Variants in HMCN2 observed in about 807,000 individuals in gnomAD.
HMCN2 encodes the protein hemicentin-2.
HMCN2 carries 325 observed loss-of-function variants against 377.5 expected under a neutral mutation model. The observed-to-expected ratio is 0.86, with a 90% CI of 0.79 to 0.94. The LOEUF is 0.94. HMCN2 is among the 40% of genes least tolerant of loss of function. The pLI, the probability that HMCN2 is intolerant of heterozygous loss-of-function variation, is 0.00. For missense variants in HMCN2, 4,543 were observed against 4,725.3 expected (o/e 0.96, Z 1.13); for synonymous variants, 2,007 against 2,046.8 (o/e 0.98, Z 0.53).
At position 130,397,508 on chromosome 9, in the gene HMCN2, G is replaced by C. The variant is rs1358006733; in HGVS notation, c.11199-20G>C. The stretch of plus-strand genomic sequence containing the variant: ...CCCCACTGGCTTGCTCATCTCCAGG[G>C]CAACCCCCATCCATTCTAGGTTTGA... On this transcript the variant is annotated intron_variant, in intron 73 of 97. Transcript: ENST00000683500. The C allele has an allele frequency of 7.8e-7, 1 of 1,289,516 alleles. No homozygotes were observed. Among genetic ancestry groups the C allele is most frequent in the Admixed American group, 2.3e-5 (1 of 43,536 alleles). The allele number at this position is 1,289,516 out of a possible 1,614,324, so 79.9% of individuals were successfully genotyped here.
At position 130,347,864 on chromosome 9, in the gene HMCN2, A is replaced by G; in HGVS notation, c.4024+504A>G. 1 of 315,828 alleles carries G rather than the reference A, an allele frequency of 3.2e-6. No homozygotes were observed. The highest frequency in any genetic ancestry group is 4.6e-6 in the Non-Finnish European group (1 of 218,280). The allele number at this position is 315,828 out of a possible 1,614,324, so 19.6% of individuals were successfully genotyped here. A position where few individuals can be genotyped will look rare whatever the true frequency, so the allele number is the denominator to read the frequency against. ...CTGTCTCTACATAAAATAAACTTAAAAAATTATTTTTAAAAATGAGCACGG... is the reference window on the plus strand; with the variant it reads ...CTGTCTCTACATAAAATAAACTTAAGAAATTATTTTTAAAAATGAGCACGG... On this transcript the variant is annotated intron_variant, in intron 26 of 97. Coordinates refer to ENST00000683500, the MANE Select transcript of HMCN2 (RefSeq NM_001291815.2). This position sits in a 1 kb window ranked among gnomAD's most constrained non-coding sequence, Gnocchi z 5.1.
At position 130,433,544 on chromosome 9, in the gene HMCN2, C is replaced by T; in HGVS notation, c.15091C>T (p.Leu5031=). 1 of 1,469,432 alleles carries T rather than the reference C, an allele frequency of 6.8e-7. No individual in the cohort carries two copies. The highest frequency in any genetic ancestry group is 9.0e-7 in the Non-Finnish European group (1 of 1,117,128). 91.0% of individuals were successfully genotyped at this position (1,469,432 alleles called of 1,614,324 possible). ...GCCCGACCCCCGCAGCCCCTTCGCG[C>T]TGCGTCCGCTGCGCGCGGGCCTTGG... is the stretch of plus-strand genomic sequence containing the variant. The part of the protein sequence containing the change: ...LEPDPRSPFA[L]RPLRAGLGAV... The change falls in exon 98 of 98, where the codon CTG becomes TTG. Residue 5031 remains leucine (L), a synonymous_variant. Transcript: ENST00000683500.
At position 130,395,339 on chromosome 9, in the gene HMCN2, G is replaced by A; in HGVS notation, c.10903G>A (p.Val3635Met). 2 of 1,288,032 alleles carry A rather than the reference G, an allele frequency of 1.6e-6. No individual in the cohort carries two copies. The highest frequency in any genetic ancestry group is 2.5e-5 in the South Asian group (2 of 80,792). 79.8% of individuals were successfully genotyped at this position (1,288,032 alleles called of 1,614,324 possible). The change falls in exon 71 of 98, where the codon GTG (valine) becomes ATG (methionine). Residue 3635 changes from valine (V) to methionine (M), a missense_variant. By Grantham distance (21) the Val-to-Met change is conservative. Coordinates refer to ENST00000683500, the MANE Select transcript of HMCN2 (RefSeq NM_001291815.2). ...PKITWHRDGI[V>M]LQEDAHTQFP... is the part of the protein sequence containing the mutation. ...GATCACGTGGCACCGAGACGGCATT[G>A]TGCTGCAGGTGGGCGCCAGGCAGGG...
intron 96 of HMCN2, 36 bp downstream of exon 96, chr9:130,431,522 G>C: frequency 1.9e-6 from 3 of 1,542,786 alleles, no homozygotes; most frequent in Non-Finnish European, 2.6e-6. Flanking sequence ...AAACACCCGT[G>C]GGGCTAGGGC....
chr9:130,415,250 AG>A (rs1352176074), intron 85 of HMCN2, among the ~76,000 whole-genome samples: 4 of 152,228 alleles, frequency 2.6e-5, no homozygotes, highest in South Asian at 2.1e-4. Flanking sequence ...TTATCATACC[AG>A]GAACAAGGAA....
At chr9:130,354,565 G>A (rs1839917416) in intron 31 of HMCN2, among the ~76,000 whole-genome samples, 198 bp from the exon 32 acceptor site, 1 of 152,208 alleles carries the variant, frequency 6.6e-6, no homozygotes, top group Non-Finnish European at 1.5e-5. Flanking sequence ...CAGGGGTGGG[G>A]TGGCGCGCCC....
chr9:130,391,896 G>C (rs775047929), intron 65 of HMCN2, 39 bp from the exon 66 acceptor site: 8 of 976,226 alleles, frequency 8.2e-6, no homozygotes, highest in Non-Finnish European at 8.5e-6. Flanking sequence ...TTCCTCCCAA[G>C]ACCTCCGCAC....
chr9:130,397,778 A>C, intron 74 of HMCN2, 123 bp downstream of exon 74: 1 of 912,768 alleles, frequency 1.1e-6, no homozygotes, highest in Non-Finnish European at 1.5e-6. Flanking sequence ...TTTGACCATG[A>C]AGCCCATTAG....
chr9:130,278,551 A>G (rs1404895438), intron 1 of HMCN2, among the ~76,000 whole-genome samples: 2 of 152,100 alleles, frequency 1.3e-5, no homozygotes, highest in African/African-American at 4.8e-5. Context: ...CCTTCCTGGG[A>G]CTGCAGAATG....
chr9:130,357,274 G>GTGGGTGGGTGGATGGATGAA, intron 34 of HMCN2, among the ~76,000 whole-genome samples: 1 of 138,596 alleles, frequency 7.2e-6, no homozygotes, highest in Non-Finnish European at 1.6e-5. Context: ...GGATGAATGG[G>GTGGGTGGGTGGATGGATGAA]TGGGTGGGTG....
intron 86 of HMCN2, among the ~76,000 whole-genome samples, chr9:130,420,148 CA>C (rs984365615): frequency 2.9e-4 from 40 of 137,230 alleles, no homozygotes; most frequent in African/African-American, 1.0e-3. Flanking sequence ...AATCTCGGTT[CA>C]CTGCAAGCTC....
Position 130,384,498 on chromosome 9 carries a change from G to C in HMCN2, c.8956G>C (p.Ala2986Pro). Residue 2986 changes from alanine (A) to proline (P), a missense_variant, in exon 58 of 98, where the codon GCC becomes CCC. This residue lies in a region of HMCN2 where 736 missense variants were observed against 773.2 expected (regional missense o/e 0.95). Transcript: ENST00000683500. ...GGTCACGTGGTACAAGGACAGCCAG[G>C]CCCTCTCCCTGGGTGAAGAGGTCTT... ...PEVTWYKDSQ[A>P]LSLGEEVFLL... is the part of the protein sequence containing the mutation. 1 of 1,304,256 alleles carries C rather than the reference G, an allele frequency of 7.7e-7. No individual in the cohort carries two copies. 80.8% of individuals were successfully genotyped at this position (1,304,256 alleles called of 1,614,324 possible). A position where few individuals can be genotyped will look rare whatever the true frequency, so the allele number is the denominator to read the frequency against.
chr9:130,364,487 G>A (rs1840582414), intron 40 of HMCN2, among the ~76,000 whole-genome samples: 1 of 152,250 alleles, frequency 6.6e-6, no homozygotes, highest in African/African-American at 2.4e-5. Flanking sequence ...GGGGGACCCT[G>A]AGCTTCCTTC....
intron 1 of HMCN2, among the ~76,000 whole-genome samples, chr9:130,278,485 C>T (rs904450864): frequency 1.4e-4 from 22 of 152,040 alleles, no homozygotes; most frequent in Admixed American, 3.9e-4. Context: ...TGGAATGAAA[C>T]GTTTGTGGAT....
chr9:130,405,947 G>C lies in HMCN2; in HGVS notation c.12340-8G>C. The C allele has an allele frequency of 1.6e-6, 2 of 1,280,480 alleles. No homozygotes were observed. Among genetic ancestry groups the C allele is most frequent in the Middle Eastern group, 2.2e-4 (1 of 4,554 alleles). The allele number at this position is 1,280,480 out of a possible 1,614,324, so 79.3% of individuals were successfully genotyped here. Reference sequence around the variant, plus strand: ...AGTTCTCCGGCCAACCCCTTTCTTTGCTCACAGGGCCAGGACGCAGGCACC... The same window carrying C: ...AGTTCTCCGGCCAACCCCTTTCTTTCCTCACAGGGCCAGGACGCAGGCACC... On this transcript the variant is annotated splice_polypyrimidine_tract_variant and splice_region_variant and intron_variant, in intron 81 of 97. Transcript: ENST00000683500.
Position 130,364,906 on chromosome 9 carries a change from C to G in HMCN2, c.6408+17C>G. 3.0e-6 allele frequency: 3 copies of G among 985,708 alleles called. No homozygotes were observed. Among genetic ancestry groups the G allele is most frequent in the Non-Finnish European group, 3.6e-6 (3 of 829,882 alleles). The allele number at this position is 985,708 out of a possible 1,614,324, so 61.1% of individuals were successfully genotyped here. A position where few individuals can be genotyped will look rare whatever the true frequency, so the allele number is the denominator to read the frequency against. On this transcript the variant is annotated intron_variant, in intron 41 of 97. Transcript: ENST00000683500. ...TTGCTGCAGGTGTGCAGGCCCCTGG[C>G]CAGCCAAGCAGGCCTCCACCTCGGC...
intron 1 of HMCN2, among the ~76,000 whole-genome samples, chr9:130,268,270 C>A (rs1484370991): frequency 1.3e-5 from 2 of 152,184 alleles, no homozygotes; most frequent in Non-Finnish European, 2.9e-5. Flanking sequence ...AGCTGGTGGG[C>A]AGTTCTCCAG....
At chr9:130,403,977 G>A in intron 80 of HMCN2, 102 bp downstream of exon 80, 2 of 1,075,394 alleles carry the variant, frequency 1.9e-6, no homozygotes, top group Non-Finnish European at 2.4e-6. Context: ...ACTGCTTATA[G>A]TTCTAGAAGG....
At chr9:130,329,632 G>A (rs916461607) in intron 22 of HMCN2, among the ~76,000 whole-genome samples, 1 of 152,000 alleles carries the variant, frequency 6.6e-6, no homozygotes, top group Non-Finnish European at 1.5e-5. Context: ...TAGTAGAGAC[G>A]GGGTTTCACC....
Sources: gnomAD v4.1 joint callset for allele counts (sites outside exome capture counted in the v4.1 genomes callset) on GRCh38, gnomAD v4.1.1 for gene constraint, gnomAD v4.1.1 regional missense constraint, Gnocchi (gnomAD v3.1) non-coding constraint, MANE v1.5 for transcripts, NCBI Gene and HGNC (gene_info 2026-07-23, HGNC 2026-07-21) for gene names.